The following CEP85L variants were observed in gnomAD, a reference collection of about 807,000 sequenced individuals.
CEP85L encodes the protein centrosomal protein 85L.
A neutral mutation model predicts 100.3 loss-of-function variants in CEP85L; 60 were observed. The observed-to-expected ratio is 0.60, with a 90% CI of 0.49 to 0.74. CEP85L has a LOEUF of 0.74. Among genes scored for constraint, CEP85L ranks in the 30% least tolerant of loss-of-function variants. The pLI, the probability that CEP85L is intolerant of heterozygous loss-of-function variation, is 0.00. For missense variants in CEP85L, 973 were observed against 936.2 expected (o/e 1.04, Z -0.51); for synonymous variants, 319 against 322.7 (o/e 0.99, Z 0.12).
intron 1 of CEP85L, among the ~76,000 whole-genome samples, chr6:118,697,638 C>T (rs1237866759): frequency 1.3e-5 from 2 of 152,158 alleles, no homozygotes; most frequent in African/African-American, 2.4e-5. Flanking sequence ...GAGAACTATT[C>T]ATGAAGTCAT....
At chr6:118,481,201 T>G (rs570675047) in intron 8 of CEP85L, among the ~76,000 whole-genome samples, 1 of 152,054 alleles carries the variant, frequency 6.6e-6, no homozygotes, top group African/African-American at 2.4e-5. Flanking sequence ...GCAGTTTGAG[T>G]ATTTTACTGG....
chr6:118,604,577 G>A (rs1772050638), intron 2 of CEP85L, among the ~76,000 whole-genome samples: 1 of 152,048 alleles, frequency 6.6e-6, no homozygotes, highest in Non-Finnish European at 1.5e-5. Context: ...TACATGTTAC[G>A]ATGTTAACTT....
chr6:118,502,775 G>A, intron 5 of CEP85L: 1 of 593,810 alleles, frequency 1.7e-6, no homozygotes, highest in Non-Finnish European at 3.1e-6. Flanking sequence ...TAAAGAACTT[G>A]TACAACAAGT....
intron 1 of CEP85L, among the ~76,000 whole-genome samples, chr6:118,709,556 T>TGTGTGTGTGTGTGAGAGAGA (rs751698371): frequency 1.4e-5 from 2 of 142,324 alleles, no homozygotes; most frequent in East Asian, 2.0e-4. Context: ...TGTGTGTGTG[T>TGTGTGTGTGTGTGAGAGAGA]GAGAGAGAGA....
At chr6:118,641,336 A>G (rs1774854580) in intron 1 of CEP85L, among the ~76,000 whole-genome samples, 1 of 152,210 alleles carries the variant, frequency 6.6e-6, no homozygotes, top group African/African-American at 2.4e-5. Context: ...TATGATCTGC[A>G]AAGTGAATAC....
At chr6:118,663,675 C>G (rs1008369463) in intron 1 of CEP85L, among the ~76,000 whole-genome samples, 1 of 152,068 alleles carries the variant, frequency 6.6e-6, no homozygotes, top group Non-Finnish European at 1.5e-5. Flanking sequence ...AAATGGAAAA[C>G]TACAGTTGTC....
intron 3 of CEP85L, among the ~76,000 whole-genome samples, chr6:118,524,530 T>C (rs555388900): frequency 3.9e-5 from 6 of 152,260 alleles, no homozygotes; most frequent in Non-Finnish European, 7.4e-5. Flanking sequence ...GGAAATGAGA[T>C]TAATCATTAA....
chr6:118,646,164 C>G (rs904294046), intron 1 of CEP85L, among the ~76,000 whole-genome samples: 5 of 152,158 alleles, frequency 3.3e-5, no homozygotes, highest in African/African-American at 1.2e-4. Flanking sequence ...TTGCAGTGAG[C>G]CGAGATTGCG....
At position 118,558,685 on chromosome 6, in the gene CEP85L, A is replaced by AGG. The variant is rs1779045243; in HGVS notation, c.1020+6843_1020+6844insCC. 3.5e-5 allele frequency: 18 copies of AGG among 520,200 alleles called. No homozygotes were observed. The East Asian group carries it at 4.8e-4, about 14-fold the overall frequency. 32.2% of individuals were successfully genotyped at this position (520,200 alleles called of 1,614,324 possible). On this transcript the variant is annotated intron_variant, in intron 3 of 12. Transcript: ENST00000368491. Reference sequence around the variant, plus strand: ...CAGAGAGAGAGAGAGAGAGAGAGAGAGAGGGAGAGAGACTATAGAAACATG... The same window carrying AGG: ...CAGAGAGAGAGAGAGAGAGAGAGAGAGGGAGGGAGAGAGACTATAGAAACATG...
At position 118,647,009 on chromosome 6, in the gene CEP85L, A is replaced by C. The variant is rs373783542; in HGVS notation, c.73+4188T>G. 2.9e-5 allele frequency: 29 copies of C among 985,190 alleles called. 2 individuals carry two copies. In the East Asian group the frequency reaches 1.7e-3, roughly 58 times the overall value. 61.0% of individuals were successfully genotyped at this position (985,190 alleles called of 1,614,324 possible). On this transcript the variant is annotated intron_variant, in intron 1 of 12. Transcript: ENST00000368491. Reference sequence around the variant, plus strand: ...GTTCATTTCACCAAAGTCATCACTAAAGTTAAGATTCACCCCTTACCCCCC... The same window carrying C: ...GTTCATTTCACCAAAGTCATCACTACAGTTAAGATTCACCCCTTACCCCCC...
At chr6:118,609,448 A>G (rs1772463461) in intron 2 of CEP85L, among the ~76,000 whole-genome samples, 1 of 152,198 alleles carries the variant, frequency 6.6e-6, no homozygotes, top group African/African-American at 2.4e-5. Flanking sequence ...GAAATACATA[A>G]TAGTAGTTGA....
chr6:118,583,828 T>C (rs1327886832), intron 2 of CEP85L, among the ~76,000 whole-genome samples: 2 of 152,196 alleles, frequency 1.3e-5, no homozygotes, highest in Non-Finnish European at 2.9e-5. Flanking sequence ...GTTCAGGACC[T>C]TCGCCTCATT....
intron 2 of CEP85L, among the ~76,000 whole-genome samples, chr6:118,591,545 C>T (rs1353893648): frequency 6.6e-6 from 1 of 152,320 alleles, no homozygotes; most frequent in African/African-American, 2.4e-5. Flanking sequence ...TTCACTTCAG[C>T]CTCTGATTGG....
chr6:118,504,673 T>G (rs945146620), intron 5 of CEP85L, among the ~76,000 whole-genome samples: 1 of 152,220 alleles, frequency 6.6e-6, no homozygotes, highest in Non-Finnish European at 1.5e-5. Context: ...GAGGGAGTTA[T>G]GTGAACTCTG....
chr6:118,569,341 C>CAAAAAAAAAAAA lies in CEP85L; in HGVS notation c.233-3037_233-3026dup, dbSNP rs56123225. Among the ~76,000 whole-genome samples the CAAAAAAAAAAAA allele has an allele frequency of 1.7e-3, 114 of 68,208 alleles. 2 individuals are homozygous for CAAAAAAAAAAAA. The highest frequency in any genetic ancestry group is 1.9e-3 in the African/African-American group (28 of 14,926). The allele number at this position is 68,208 out of a possible 152,430, so 44.7% of individuals were successfully genotyped here. On this transcript the variant is annotated intron_variant, in intron 2 of 12. Coordinates refer to ENST00000368491, the MANE Select transcript of CEP85L (RefSeq NM_001042475.3). ...TGGGTGACAAGGCTAGACTCTGTCT[C>CAAAAAAAAAAAA]AAAAAAAAAAAAAAAAAAAAAAAAA...
chr6:118,481,861 T>C lies in CEP85L; in HGVS notation c.1663A>G (p.Ile555Val), dbSNP rs771264589. ...LIDTEKKLEE[I>V]KKQCQDKETQ... ...TCTTTATCTTGACACTGCTTTTTGA[T>C]CTCTTCAAGTTTTTTTTCTGTATCT... The change falls in exon 8 of 13, where the codon ATC becomes GTC. Residue 555 changes from isoleucine (I) to valine (V), a missense_variant. Physicochemically the swap from Ile to Val is conservative, Grantham distance 29 (BLOSUM62 3). Around this residue, in one of 3 missense-constraint regions of CEP85L, gnomAD observed 890 missense variants for 844.5 expected, o/e 1.05. Transcript: ENST00000368491. The C allele has an allele frequency of 3.1e-6, 5 of 1,593,748 alleles. No individual in the cohort carries two copies. The highest frequency in any genetic ancestry group is 4.3e-6 in the Non-Finnish European group (5 of 1,167,630).
intron 1 of CEP85L, among the ~76,000 whole-genome samples, chr6:118,707,480 C>T (rs1390018418): frequency 5.3e-5 from 8 of 152,186 alleles, no homozygotes; most frequent in Non-Finnish European, 1.0e-4. Context: ...AGCCATGAGC[C>T]ACTGCACCTG....
Position 118,568,975 on chromosome 6 carries a change from G to A in CEP85L, c.233-2659C>T, listed in dbSNP as rs111403571. Among the ~76,000 whole-genome samples, 661 of 152,100 alleles carry A rather than the reference G, an allele frequency of 4.3e-3. 8 individuals carry two copies. Among genetic ancestry groups the A allele is most frequent in the African/African-American group, 0.015 (640 of 41,510 alleles). ...TTAAAAAAAATAAAAAATTAGTCTT[G>A]TATCAAGTTGCAGGTAAAAATACAG... On this transcript the variant is annotated intron_variant, in intron 2 of 12. Transcript: ENST00000368491.
At chr6:118,581,540 T>C (rs540397752) in intron 2 of CEP85L, among the ~76,000 whole-genome samples, 11 of 152,118 alleles carry the variant, frequency 7.2e-5, no homozygotes, top group African/African-American at 2.6e-4. Flanking sequence ...GTCTAGTTTC[T>C]CTGGTGCCAT....
Sources: gnomAD v4.1 joint callset for allele counts (sites outside exome capture counted in the v4.1 genomes callset) on GRCh38, gnomAD v4.1.1 for gene constraint, gnomAD v4.1.1 regional missense constraint, MANE v1.5 for transcripts, NCBI Gene and HGNC (gene_info 2026-07-23, HGNC 2026-07-21) for gene names.